Variants in TRMT11 observed in about 807,000 individuals in gnomAD.
The protein encoded by TRMT11 is tRNA methyltransferase 11.
In TRMT11, 53 loss-of-function variants were observed where a neutral mutation model predicts 62.8. The observed-to-expected ratio is 0.84, with a 90% CI of 0.68 to 1.06. The LOEUF (loss-of-function observed/expected upper bound fraction) is 1.06. Among genes scored for constraint, TRMT11 ranks in the 50% least tolerant of loss-of-function variants. The pLI is 0.00. For synonymous variants in TRMT11, 188 were observed against 190.3 expected (o/e 0.99, Z 0.10); for missense variants, 556 against 553.4 (o/e 1.00, Z -0.05).
At chr6:126,150,458 T>C (rs2128221021) in intron 21 of TRMT11, among the ~76,000 whole-genome samples, 1 of 152,322 alleles carries the variant, frequency 6.6e-6, no homozygotes, top group South Asian at 2.1e-4. Flanking sequence ...GTATAAACCT[T>C]ATCACAGTAC....
chr6:126,173,019 CAATGCCCTCATT>C (rs1452876848), upstream of TRMT11, among the ~76,000 whole-genome samples: 2 of 152,128 alleles, frequency 1.3e-5, no homozygotes, highest in African/African-American at 4.8e-5. Context: ...TGAGGCCTCG[CAATGCCCTCATT>C]ACCATTATGG....
At chr6:126,215,479 C>T in the TRMT11 span, among the ~76,000 whole-genome samples, 1 of 151,944 alleles carries the variant, frequency 6.6e-6, no homozygotes, top group African/African-American at 2.4e-5. Flanking sequence ...GTCTTGAAAT[C>T]TATTTTGTCT....
intron 21 of TRMT11, among the ~76,000 whole-genome samples, chr6:126,153,999 G>A (rs925103941): frequency 1.3e-5 from 2 of 152,150 alleles, no homozygotes; most frequent in African/African-American, 4.8e-5. Flanking sequence ...GCGGTCTTAC[G>A]TGTTTGAGAC....
chr6:126,117,900 T>C (rs1777608667), intron 21 of TRMT11, among the ~76,000 whole-genome samples: 1 of 152,124 alleles, frequency 6.6e-6, no homozygotes, highest in Non-Finnish European at 1.5e-5. Context: ...TCCTATTCCA[T>C]AATGCAAAAC....
the TRMT11 span, among the ~76,000 whole-genome samples, chr6:126,268,315 T>C: frequency 6.6e-6 from 1 of 152,166 alleles, no homozygotes; most frequent in Non-Finnish European, 1.5e-5. Context: ...AGCAGTGACA[T>C]TCTGATCACT....
At chr6:126,055,051 A>G (rs925727059) in intron 17 of TRMT11, among the ~76,000 whole-genome samples, 1 of 152,148 alleles carries the variant, frequency 6.6e-6, no homozygotes, top group Non-Finnish European at 1.5e-5. Flanking sequence ...TGCAGCCACA[A>G]CTTCCTGGGT....
intron 17 of TRMT11, among the ~76,000 whole-genome samples, chr6:126,096,324 G>T (rs1777339218): frequency 6.6e-6 from 1 of 152,120 alleles, no homozygotes; most frequent in Admixed American, 6.5e-5. Context: ...GATCTGATCA[G>T]CTATGGGTAT....
chr6:126,070,492 G>C (rs1337178571), intron 17 of TRMT11, among the ~76,000 whole-genome samples: 1 of 152,170 alleles, frequency 6.6e-6, no homozygotes, highest in African/African-American at 2.4e-5. Context: ...CATGAGATCA[G>C]AAACCTGAAA....
intron 18 of TRMT11, among the ~76,000 whole-genome samples, chr6:126,114,219 C>T (rs1218655345): frequency 6.6e-6 from 1 of 151,982 alleles, no homozygotes; most frequent in South Asian, 2.1e-4. Flanking sequence ...TAATACGGGT[C>T]GCAGCTGATA....
intron 7 of TRMT11, among the ~76,000 whole-genome samples, chr6:126,002,868 T>C (rs527421758): frequency 1.3e-5 from 2 of 152,248 alleles, no homozygotes; most frequent in South Asian, 2.1e-4. Flanking sequence ...TAATGGAATA[T>C]ATACATTTTC....
chr6:126,003,273 C>T (rs991087665), intron 7 of TRMT11, among the ~76,000 whole-genome samples: 3 of 151,976 alleles, frequency 2.0e-5, no homozygotes, highest in African/African-American at 7.2e-5. Context: ...AGAATTTTTG[C>T]AATTTTTTTT....
chr6:126,182,034 G>A (rs770776747), intron 1 of TRMT11, among the ~76,000 whole-genome samples: 1 of 152,144 alleles, frequency 6.6e-6, no homozygotes, highest in Non-Finnish European at 1.5e-5. Context: ...TGATTTTACA[G>A]ACTGATGGAG....
Position 126,035,817 on chromosome 6 carries a change from A to G in TRMT11, c.1261-2888A>G, listed in dbSNP as rs1775081982. On this transcript the variant is annotated intron_variant, in intron 12 of 12. Transcript: ENST00000334379. ...CCCAGTCTCTGACTCTAATCTTTAT[A>G]TTCTCTGATTTTATTACCAATAGTT... Among the ~76,000 whole-genome samples the G allele has an allele frequency of 2.6e-5, 4 of 152,008 alleles. No homozygotes were observed. In the South Asian group the frequency reaches 8.3e-4, roughly 31 times the overall value.
At chr6:126,164,484 A>G (rs1778235072) in intron 21 of TRMT11, among the ~76,000 whole-genome samples, 1 of 152,212 alleles carries the variant, frequency 6.6e-6, no homozygotes, top group Non-Finnish European at 1.5e-5. Context: ...GTAGATGTGT[A>G]TTAGGTCCAC....
intron 17 of TRMT11, among the ~76,000 whole-genome samples, chr6:126,089,177 G>C (rs962539429): frequency 9.3e-5 from 14 of 151,014 alleles, no homozygotes; most frequent in African/African-American, 3.2e-4. Context: ...GCAGTGGCGC[G>C]ATCTTGGCTC....
chr6:126,108,634 T>G (rs1263382894), intron 17 of TRMT11, among the ~76,000 whole-genome samples: 2 of 152,332 alleles, frequency 1.3e-5, no homozygotes, highest in East Asian at 3.9e-4. Flanking sequence ...GCTGCACTCC[T>G]TCTCTAGAAC....
At chr6:126,051,546 A>G (rs1219829110) in intron 16 of TRMT11, among the ~76,000 whole-genome samples, 1 of 152,214 alleles carries the variant, frequency 6.6e-6, no homozygotes, top group Non-Finnish European at 1.5e-5. Context: ...TCATGGAGGT[A>G]GATATGAATA....
chr6:126,064,441 G>A (rs1025995095), intron 17 of TRMT11, among the ~76,000 whole-genome samples: 12 of 152,070 alleles, frequency 7.9e-5, no homozygotes, highest in African/African-American at 4.8e-5. Context: ...AAGAGCCTTG[G>A]GCTCCTGGAT....
chr6:126,057,033 C>A (rs1776393415), intron 17 of TRMT11, among the ~76,000 whole-genome samples: 1 of 152,144 alleles, frequency 6.6e-6, no homozygotes, highest in African/African-American at 2.4e-5. Flanking sequence ...TCAAAGGAAC[C>A]CTAAGCCTAT....
Sources: allele counts gnomAD v4.1 joint callset (sites outside exome capture counted in the v4.1 genomes callset), GRCh38; gene constraint gnomAD v4.1.1; transcripts MANE v1.5; gene names NCBI Gene and HGNC (gene_info 2026-07-23, HGNC 2026-07-21).